TMEM38B: variants seen among roughly 807,000 people sequenced by gnomAD.
TMEM38B encodes trimeric intracellular cation channel type B.
TMEM38B carries 24 observed loss-of-function variants against 28.7 expected under a neutral mutation model. That is an observed-to-expected ratio of 0.84 (90% CI 0.61 to 1.18). The LOEUF is 1.18. TMEM38B is among the 50% of genes most tolerant of loss of function. The probability of loss-of-function intolerance (pLI) is 0.00; values close to 1 mark genes in which losing one functional copy is unlikely to be tolerated. For missense variants in TMEM38B, 380 were observed against 350.9 expected, an observed-to-expected ratio of 1.08 and a Z score of -0.66; for synonymous variants, 131 against 127.7, an observed-to-expected ratio of 1.03 and a Z score of -0.17.
intron 5 of TMEM38B, 99 bp from the exon 6 acceptor site, chr9:105,773,766 C>T (rs1826635332): frequency 2.6e-6 from 3 of 1,143,756 alleles, no homozygotes; most frequent in African/African-American, 3.1e-5. Context: ...CTGCAGATTA[C>T]ATTAATAATG....
chr9:105,715,720 T>G (rs1033593673), intron 2 of TMEM38B, among the ~76,000 whole-genome samples: 3 of 152,124 alleles, frequency 2.0e-5, no homozygotes, highest in Non-Finnish European at 4.4e-5. Flanking sequence ...CTTTTATCTC[T>G]TACTCTCTCC....
At chr9:105,761,228 G>A (rs920237121) in intron 5 of TMEM38B, among the ~76,000 whole-genome samples, 2 of 152,138 alleles carry the variant, frequency 1.3e-5, no homozygotes, top group Admixed American at 6.5e-5. Flanking sequence ...GCTGCCAAAT[G>A]TTGCACTCTT....
At chr9:105,740,329 T>C (rs1410764490) in intron 4 of TMEM38B, among the ~76,000 whole-genome samples, 1 of 150,964 alleles carries the variant, frequency 6.6e-6, no homozygotes, top group African/African-American at 2.4e-5. Flanking sequence ...GAAGTGATCT[T>C]GGCTCTCTTC....
chr9:105,729,034 T>G (rs1386275514), intron 4 of TMEM38B, among the ~76,000 whole-genome samples: 1 of 152,226 alleles, frequency 6.6e-6, no homozygotes, highest in Non-Finnish European at 1.5e-5. Context: ...GTAGGTTGCC[T>G]GTTCACTCTG....
At chr9:105,728,629 G>A (rs1421089941) in intron 4 of TMEM38B, among the ~76,000 whole-genome samples, 1 of 152,092 alleles carries the variant, frequency 6.6e-6, no homozygotes, top group Non-Finnish European at 1.5e-5. Context: ...GGGTCAAATG[G>A]TATTTCTAGT....
At chr9:105,762,261 TTTA>T (rs1161639282) in intron 5 of TMEM38B, among the ~76,000 whole-genome samples, 2 of 151,882 alleles carry the variant, frequency 1.3e-5, no homozygotes, top group Non-Finnish European at 2.9e-5. Context: ...TTTTTTTAAA[TTTA>T]TTATTATTAT....
At chr9:105,704,928 TA>T (rs771753189) in intron 1 of TMEM38B, among the ~76,000 whole-genome samples, 313 of 140,816 alleles carry the variant, frequency 2.2e-3, no homozygotes, top group Non-Finnish European at 1.9e-3. Flanking sequence ...TATCTCAAAG[TA>T]AAAAAAAAAA....
chr9:105,722,926 G>A (rs1203093968), intron 4 of TMEM38B, among the ~76,000 whole-genome samples: 2 of 152,268 alleles, frequency 1.3e-5, no homozygotes, highest in African/African-American at 4.8e-5. Flanking sequence ...TGAAAGCTAC[G>A]TAGGAATAGA....
rs565999934 is a variant in TMEM38B at position 105,737,547 on chromosome 9, C to T, written c.543-10526C>T. Among the ~76,000 whole-genome samples the T allele has an allele frequency of 6.6e-5, 10 of 152,288 alleles. No homozygotes were observed. In the South Asian group the frequency reaches 8.3e-4, roughly 13 times the overall value. On this transcript the variant is annotated intron_variant, in intron 4 of 5. Coordinates refer to ENST00000374692, the MANE Select transcript of TMEM38B (RefSeq NM_018112.3). The stretch of plus-strand genomic sequence containing the variant: ...TGGAGGGCAAGCAGTAGCACAATGA[C>T]GACTCTACTCTCTGAGGAAGTGGGA...
intron 1 of TMEM38B, among the ~76,000 whole-genome samples, chr9:105,702,206 G>A (rs1835483236): frequency 6.6e-6 from 1 of 151,166 alleles, no homozygotes; most frequent in South Asian, 2.1e-4. Flanking sequence ...TATAGGATAT[G>A]TTGTTCATTT....
chr9:105,758,154 TGACA>T (rs1837902167), intron 5 of TMEM38B: 1 of 585,822 alleles, frequency 1.7e-6, no homozygotes, highest in Admixed American at 2.6e-5. Flanking sequence ...CAGTGGGCAC[TGACA>T]GACCTATGGA....
At chr9:105,709,829 A>G (rs73518124) in intron 2 of TMEM38B, among the ~76,000 whole-genome samples, 5,187 of 152,328 alleles carry the variant, frequency 0.034, 239 homozygotes, top group African/African-American at 0.1. Flanking sequence ...TTTGCCAATA[A>G]TGGCGAAAAT....
At chr9:105,734,014 T>C (rs918450662) in intron 4 of TMEM38B, among the ~76,000 whole-genome samples, 32 of 152,086 alleles carry the variant, frequency 2.1e-4, no homozygotes, top group African/African-American at 7.0e-4. Context: ...TCTTTTTTTA[T>C]TTCCTTGATG....
At chr9:105,730,632 A>G (rs1836705382) in intron 4 of TMEM38B, among the ~76,000 whole-genome samples, 1 of 152,218 alleles carries the variant, frequency 6.6e-6, no homozygotes, top group Non-Finnish European at 1.5e-5. Flanking sequence ...ATAGTTTCAG[A>G]AGGAATGGTA....
rs1178205718 is a variant in TMEM38B at position 105,694,609 on chromosome 9, C to G, written c.-52C>G. ...CCTCTCCTACTCCTCACCGCGCGAG[C>G]GCGGGGAACCAGTAGCCGCGGCTGC... On this transcript the variant is annotated 5_prime_UTR_variant, in exon 1 of 6. Transcript: ENST00000374692. 1.5e-5 allele frequency: 23 copies of G among 1,513,262 alleles called. No homozygotes were observed. The East Asian group carries it at 2.5e-4, about 16-fold the overall frequency. The allele number at this position is 1,513,262 out of a possible 1,614,324, so 93.7% of individuals were successfully genotyped here. A position where few individuals can be genotyped will look rare whatever the true frequency, so the allele number is the denominator to read the frequency against.
chr9:105,754,291 A>G (rs919045414), intron 5 of TMEM38B, among the ~76,000 whole-genome samples: 2 of 152,196 alleles, frequency 1.3e-5, no homozygotes, highest in African/African-American at 4.8e-5. Flanking sequence ...CAGAGCTGAT[A>G]GATATCTACG....
chr9:105,759,342 A>G (rs1837951149), intron 5 of TMEM38B: 9 of 1,078,604 alleles, frequency 8.3e-6, no homozygotes, highest in East Asian at 7.1e-5. Context: ...CTTCAAATCA[A>G]TGGAGTGCCT....
chr9:105,766,013 G>A (rs113839537), intron 5 of TMEM38B, among the ~76,000 whole-genome samples: 201 of 152,214 alleles, frequency 1.3e-3, no homozygotes, highest in African/African-American at 4.6e-3. Context: ...ATATTAGCCA[G>A]AATTGTCTCA....
rs745736634 is a variant in TMEM38B, at chr9:105,736,678, T to C, written c.543-11395T>C. Among the ~76,000 whole-genome samples the C allele has an allele frequency of 2.5e-4, 38 of 152,234 alleles. 2 individuals are homozygous for C. Among genetic ancestry groups the C allele is most frequent in the Non-Finnish European group, 7.3e-5 (5 of 68,040 alleles). ...TGTCACATTTCCTTGCTTTTTCCTA[T>C]TTTGTGTGTCCTGTCCAGCATTTAT... On this transcript the variant is annotated intron_variant, in intron 4 of 5. Transcript: ENST00000374692.
Sources: allele counts gnomAD v4.1 joint callset (sites outside exome capture counted in the v4.1 genomes callset), GRCh38; gene constraint gnomAD v4.1.1; transcripts MANE v1.5; gene names NCBI Gene and HGNC (gene_info 2026-07-23, HGNC 2026-07-21).